Variants in HS3ST4 observed in about 807,000 individuals in gnomAD.
HS3ST4 encodes the protein heparan sulfate glucosamine 3-O-sulfotransferase 4.
HS3ST4 carries 17 observed loss-of-function variants against 29.2 expected under a neutral mutation model. That is an observed-to-expected ratio of 0.58 (90% CI 0.40 to 0.87). The LOEUF is 0.87. Ranked by LOEUF, HS3ST4 falls within the 40% of genes least tolerant of loss-of-function variation. The pLI is 0.00. For missense variants in HS3ST4, 627 were observed against 634.5 expected, an observed-to-expected ratio of 0.99 and a Z score of 0.13; for synonymous variants, 314 against 285.7, an observed-to-expected ratio of 1.10 and a Z score of -1.00.
intron 1 of HS3ST4, among the ~76,000 whole-genome samples, chr16:25,751,257 G>A (rs919293093): frequency 3.9e-5 from 6 of 152,132 alleles, no homozygotes; most frequent in South Asian, 4.2e-4. Context: ...GCGTGTGTGC[G>A]GATGTGGATG....
chr16:25,723,085 A>G (rs183797307), intron 1 of HS3ST4, among the ~76,000 whole-genome samples: 5 of 152,270 alleles, frequency 3.3e-5, no homozygotes, highest in Admixed American at 1.3e-4. Context: ...CTACCGTAAG[A>G]ACAATATTGG....
intron 1 of HS3ST4, among the ~76,000 whole-genome samples, chr16:25,801,082 G>A (rs1966928612): frequency 6.6e-6 from 1 of 152,150 alleles, no homozygotes; most frequent in South Asian, 2.1e-4. Flanking sequence ...GGGTTGGGGT[G>A]AGGCCTGAAA....
intron 1 of HS3ST4, among the ~76,000 whole-genome samples, chr16:25,798,490 C>T (rs958811764): frequency 1.3e-5 from 2 of 152,182 alleles, no homozygotes; most frequent in African/African-American, 4.8e-5. Context: ...ATATGGCAAT[C>T]ATACAATGAC....
At chr16:25,775,084 C>T (rs1966846379) in intron 1 of HS3ST4, among the ~76,000 whole-genome samples, 1 of 152,144 alleles carries the variant, frequency 6.6e-6, no homozygotes, top group Non-Finnish European at 1.5e-5. Context: ...ATGTATAGTT[C>T]GTGAACTGGC....
rs998270019 is a variant in HS3ST4, at chr16:26,001,528, A to G, written c.735-134084A>G. On this transcript the variant is annotated intron_variant, in intron 1 of 1. Coordinates refer to ENST00000331351, the MANE Select transcript of HS3ST4 (RefSeq NM_006040.3). ...TTGGGTTTATCTTGTAGGCCATAAC[A>G]AGGTAATTGATGTTTTGATGTTTTT... 1.1e-4 allele frequency among the ~76,000 whole-genome samples: 16 copies of G among 152,284 alleles called. No individual in the cohort carries two copies. In the East Asian group the frequency reaches 3.1e-3, roughly 29 times the overall value.
chr16:25,722,744 G>A (rs547392161), intron 1 of HS3ST4, among the ~76,000 whole-genome samples: 1 of 152,270 alleles, frequency 6.6e-6, no homozygotes, highest in South Asian at 2.1e-4. Flanking sequence ...GGCCTGGGAT[G>A]AGTTATTGAC....
At chr16:25,874,104 A>G (rs1279965347) in intron 1 of HS3ST4, among the ~76,000 whole-genome samples, 2 of 152,052 alleles carry the variant, frequency 1.3e-5, no homozygotes, top group Non-Finnish European at 2.9e-5. Context: ...CTTTACCAGT[A>G]TTTCTTTGAA....
intron 1 of HS3ST4, among the ~76,000 whole-genome samples, chr16:25,816,965 G>A (rs933573887): frequency 1.3e-5 from 2 of 152,116 alleles, no homozygotes; most frequent in African/African-American, 4.8e-5. Flanking sequence ...TGAGGGCAGA[G>A]CCTTTATTAT....
At chr16:25,776,368 C>G (rs1016312308) in intron 1 of HS3ST4, among the ~76,000 whole-genome samples, 5 of 152,146 alleles carry the variant, frequency 3.3e-5, no homozygotes, top group African/African-American at 9.7e-5. Context: ...TGATTGCCTC[C>G]TTTGGAGAGG....
intron 1 of HS3ST4, among the ~76,000 whole-genome samples, chr16:25,918,295 T>C (rs1294433404): frequency 6.6e-6 from 1 of 152,218 alleles, no homozygotes; most frequent in African/African-American, 2.4e-5. Flanking sequence ...ATGAGGACAC[T>C]GACCCTCAGC....
chr16:26,021,458 G>A (rs1399325023), intron 1 of HS3ST4, among the ~76,000 whole-genome samples: 2 of 152,060 alleles, frequency 1.3e-5, no homozygotes, highest in African/African-American at 4.8e-5. Flanking sequence ...GTCCGCCATT[G>A]TAGATATTTG....
chr16:25,895,456 T>C (rs768259420), intron 1 of HS3ST4, among the ~76,000 whole-genome samples: 1 of 151,966 alleles, frequency 6.6e-6, no homozygotes, highest in Non-Finnish European at 1.5e-5. Context: ...GAATGGATGC[T>C]GGGCTGGTCA....
At chr16:25,900,584 G>A (rs1458245455) in intron 1 of HS3ST4, among the ~76,000 whole-genome samples, 1 of 152,120 alleles carries the variant, frequency 6.6e-6, no homozygotes, top group African/African-American at 2.4e-5. Flanking sequence ...TAGGAGTGCG[G>A]GTTAATGCAA....
At chr16:25,769,341 T>C (rs1966839172) in intron 1 of HS3ST4, among the ~76,000 whole-genome samples, 1 of 152,128 alleles carries the variant, frequency 6.6e-6, no homozygotes, top group African/African-American at 2.4e-5. Flanking sequence ...CCTCTCTCTT[T>C]CCCACTACAC....
At chr16:25,973,853 C>A (rs898515977) in intron 1 of HS3ST4, among the ~76,000 whole-genome samples, 1 of 152,138 alleles carries the variant, frequency 6.6e-6, no homozygotes. Context: ...CAGAGTGCAA[C>A]CCCAAGCTAT....
chr16:25,971,946 A>T (rs1013220563), intron 1 of HS3ST4, among the ~76,000 whole-genome samples: 1 of 151,920 alleles, frequency 6.6e-6, no homozygotes, highest in African/African-American at 2.4e-5. Flanking sequence ...AGAAAGAAAG[A>T]AAAAAAAGAG....
chr16:25,709,374 C>T (rs187344361), intron 1 of HS3ST4, among the ~76,000 whole-genome samples: 3 of 152,264 alleles, frequency 2.0e-5, no homozygotes, highest in African/African-American at 7.2e-5. Context: ...GCTTGAGGCA[C>T]TGCCTCCCTG....
intron 1 of HS3ST4, among the ~76,000 whole-genome samples, chr16:25,923,412 C>T (rs888654668): frequency 6.6e-6 from 1 of 152,190 alleles, no homozygotes; most frequent in Non-Finnish European, 1.5e-5. Context: ...CAAGTCTTTC[C>T]AGGACTGCTA....
chr16:26,034,715 G>A (rs1287205942), intron 1 of HS3ST4, among the ~76,000 whole-genome samples: 3 of 151,768 alleles, frequency 2.0e-5, no homozygotes, highest in African/African-American at 7.3e-5. Flanking sequence ...GATTACAGAT[G>A]TTTGGTGTCT....
Sources: gnomAD v4.1 joint callset for allele counts (sites outside exome capture counted in the v4.1 genomes callset) on GRCh38, gnomAD v4.1.1 for gene constraint, MANE v1.5 for transcripts, NCBI Gene and HGNC (gene_info 2026-07-23, HGNC 2026-07-21) for gene names.